The following ANXA10 variants were observed in gnomAD, a reference collection of about 807,000 sequenced individuals.
The protein encoded by ANXA10 is annexin 14.
ANXA10 carries 49 observed loss-of-function variants against 53.5 expected under a neutral mutation model. The ratio of observed to expected loss-of-function variants is 0.92; its 90% confidence interval spans 0.73 to 1.16. The LOEUF (loss-of-function observed/expected upper bound fraction) is 1.16, where lower values mean the gene tolerates loss of function less well. Among genes scored for constraint, ANXA10 ranks in the 50% most tolerant of loss-of-function variants. The pLI, the probability that ANXA10 is intolerant of heterozygous loss-of-function variation, is 0.00. For synonymous variants in ANXA10, 131 were observed against 128.9 expected, an observed-to-expected ratio of 1.02 and a Z score of -0.11; for missense variants, 393 against 394.4, an observed-to-expected ratio of 1.00 and a Z score of 0.03.
chr4:168,105,622 G>A (rs1179420689), intron 1 of ANXA10, among the ~76,000 whole-genome samples: 1 of 151,884 alleles, frequency 6.6e-6, no homozygotes, highest in African/African-American at 2.4e-5. Flanking sequence ...TATTCCTTTG[G>A]GTATATACCC....
At position 168,177,978 on chromosome 4, in the gene ANXA10, G is replaced by A. The variant is rs763594787; in HGVS notation, c.623G>A (p.Arg208Gln). 76 of 1,613,052 alleles carry A rather than the reference G, an allele frequency of 4.7e-5. No individual in the cohort carries two copies. Among genetic ancestry groups the A allele is most frequent in the Admixed American group, 1.3e-4 (8 of 59,990 alleles). The change falls in exon 8 of 12, where the codon CGG becomes CAG. Residue 208 changes from arginine to glutamine, a missense_variant. Arg to Gln is a conservative substitution (Grantham distance 43). Coordinates refer to ENST00000359299, the MANE Select transcript of ANXA10 (RefSeq NM_007193.5). The part of the protein sequence containing the change: ...ILCNKSYQQL[R>Q]LVFQEFQNIS... ...TGCAACAAGAGCTACCAGCAGCTGC[G>A]GCTGGGTAATTATTAACTGGGTTTC...
At chr4:168,182,301 C>T (rs1242024085) in intron 10 of ANXA10, among the ~76,000 whole-genome samples, 1 of 123,850 alleles carries the variant, frequency 8.1e-6, no homozygotes, top group Non-Finnish European at 1.7e-5. Flanking sequence ...TTCAGTCGCA[C>T]ATACTTTGGA....
At chr4:168,158,854 T>C in intron 3 of ANXA10, among the ~76,000 whole-genome samples, 2 of 152,096 alleles carry the variant, frequency 1.3e-5, no homozygotes, top group East Asian at 3.9e-4. Flanking sequence ...GTGCTGGAGG[T>C]GGGCCTGAAG....
rs189712198 is a variant in ANXA10 at position 168,166,490 on chromosome 4, C to T, written c.480+1164C>T. Among the ~76,000 whole-genome samples the T allele has an allele frequency of 4.3e-3, 659 of 152,154 alleles. 3 individuals are homozygous for T. The highest frequency in any genetic ancestry group is 0.015 in the African/African-American group (608 of 41,504). On this transcript the variant is annotated intron_variant, in intron 6 of 11. Transcript: ENST00000359299. ...CATATTCTCCAATGTGCCTGTTATCCTATTTAACAAAGGCACTCAGGAATG... is the reference window on the plus strand; with the variant it reads ...CATATTCTCCAATGTGCCTGTTATCTTATTTAACAAAGGCACTCAGGAATG...
chr4:168,108,948 T>C (rs1280392158), intron 1 of ANXA10, among the ~76,000 whole-genome samples: 1 of 152,192 alleles, frequency 6.6e-6, no homozygotes, highest in Non-Finnish European at 1.5e-5. Context: ...TCATCTAGGT[T>C]GGTAAGTGGC....
In ANXA10 at chr4:168,162,617, T is replaced by C; in HGVS notation, c.285T>C (p.Ala95=). The change falls in exon 4 of 12, where the codon GCT becomes GCC. Residue 95 remains alanine, a synonymous_variant. Transcript: ENST00000359299. ...TGTACCCACCACCACTGTATGATGCTCATGAGCTCTGGCATGCCATGAAGG... is the reference window on the plus strand; with the variant it reads ...TGTACCCACCACCACTGTATGATGCCCATGAGCTCTGGCATGCCATGAAGG... ...GLMYPPPLYD[A]HELWHAMKGV... The C allele has an allele frequency of 1.2e-6, 2 of 1,613,870 alleles. No homozygotes were observed. The highest frequency in any genetic ancestry group is 1.7e-6 in the Non-Finnish European group (2 of 1,179,834).
chr4:168,109,599 C>G (rs1730771765), intron 1 of ANXA10, among the ~76,000 whole-genome samples: 1 of 152,120 alleles, frequency 6.6e-6, no homozygotes. Context: ...CCTCTTTAGG[C>G]AAGTGACTTT....
chr4:168,159,727 TAACTCTTACACTTCC>T (rs1291535422), intron 3 of ANXA10, among the ~76,000 whole-genome samples: 3 of 152,202 alleles, frequency 2.0e-5, no homozygotes, highest in African/African-American at 7.2e-5. Context: ...TACATACACA[TAACTCTTACACTTCC>T]AATATTGGTA....
intron 1 of ANXA10, among the ~76,000 whole-genome samples, chr4:168,109,714 G>A (rs1231730290): frequency 6.6e-6 from 1 of 152,110 alleles, no homozygotes; most frequent in Admixed American, 6.5e-5. Flanking sequence ...ATAATTTCAT[G>A]ATAATCAATA....
intron 2 of ANXA10, among the ~76,000 whole-genome samples, chr4:168,132,024 G>A (rs889163919): frequency 6.6e-6 from 1 of 151,988 alleles, no homozygotes; most frequent in Non-Finnish European, 1.5e-5. Flanking sequence ...CATTGTTTCT[G>A]GGAATGTACG....
At chr4:168,127,740 TG>T (rs746336526) in intron 1 of ANXA10, 1 of 505,848 alleles carries the variant, frequency 2.0e-6, no homozygotes, top group South Asian at 1.6e-5. Flanking sequence ...TAACAGGCCT[TG>T]TGTGTATGTT....
chr4:168,101,813 T>C (rs1031722522), intron 1 of ANXA10, among the ~76,000 whole-genome samples: 8 of 152,160 alleles, frequency 5.3e-5, no homozygotes, highest in Non-Finnish European at 8.8e-5. Context: ...CATGTATGCA[T>C]GTCTCCATCT....
rs1396240407 is a variant in ANXA10, at chr4:168,162,548, G to C, written c.216G>C (p.Arg72Ser). The C allele has an allele frequency of 6.2e-7, 1 of 1,613,656 alleles. No homozygotes were observed. The highest frequency in any genetic ancestry group is 2.2e-5 in the East Asian group (1 of 44,880). Residue 72 changes from arginine to serine, a missense_variant, in exon 4 of 12, where the codon AGG becomes AGC. Arg to Ser is a moderately radical substitution (Grantham distance 110, BLOSUM62 -1). Coordinates refer to ENST00000359299, the MANE Select transcript of ANXA10 (RefSeq NM_007193.5). ...MYGRDLIGDM[R>S]EQLSDHFKDV... is the part of the protein sequence containing the mutation. The stretch of plus-strand genomic sequence containing the variant: ...CACAGGACCTGATTGGGGATATGAG[G>C]GAGCAGCTTTCGGATCACTTCAAAG...
At chr4:168,134,389 T>C (rs1167861537) in intron 2 of ANXA10, among the ~76,000 whole-genome samples, 1 of 152,142 alleles carries the variant, frequency 6.6e-6, no homozygotes, top group Non-Finnish European at 1.5e-5. Flanking sequence ...ATAAAATATC[T>C]CTGGAAGAAT....
At chr4:168,134,452 T>A (rs888710505) in intron 2 of ANXA10, among the ~76,000 whole-genome samples, 1 of 152,124 alleles carries the variant, frequency 6.6e-6, no homozygotes, top group African/African-American at 2.4e-5. Context: ...GAGCGCTAGA[T>A]TGTGGATAAT....
At chr4:168,127,817 C>CCTTTTTTTT in intron 1 of ANXA10, 1 of 148,584 alleles carries the variant, frequency 6.7e-6, no homozygotes, top group Non-Finnish European at 1.2e-5. Flanking sequence ...ATGTTGAAAC[C>CCTTTTTTTT]TTTTTTTTTT....
chr4:168,117,519 T>G (rs1730913216), intron 1 of ANXA10, among the ~76,000 whole-genome samples: 1 of 152,204 alleles, frequency 6.6e-6, no homozygotes, highest in South Asian at 2.1e-4. Flanking sequence ...ATCTTCCATG[T>G]GTAGCTCTGC....
rs1423131220 is a variant in ANXA10, at chr4:168,179,311, T to A, written c.723T>A (p.Ile241=). 1.3e-6 allele frequency: 2 copies of A among 1,594,254 alleles called. No individual in the cohort carries two copies. The highest frequency in any genetic ancestry group is 1.7e-6 in the Non-Finnish European group (2 of 1,164,034). ...ACTTTCAGGAGCTGCTGGTTGCAAT[T>A]GGTAAGTAATAAATTATTTGAAGCA... ...DGYFQELLVA[I]VLCVRDKPAY... is the part of the protein sequence containing the mutation. The change falls in exon 9 of 12, where the codon ATT becomes ATA. Residue 241 remains isoleucine (I), a splice_region_variant and synonymous_variant. Transcript: ENST00000359299.
At chr4:168,118,730 A>ATG (rs895152395) in intron 1 of ANXA10, among the ~76,000 whole-genome samples, 2 of 152,182 alleles carry the variant, frequency 1.3e-5, no homozygotes, top group African/African-American at 2.4e-5. Context: ...TTTTAAAAAT[A>ATG]TGTGTGTATA....
Sources: gnomAD v4.1 joint callset for allele counts (sites outside exome capture counted in the v4.1 genomes callset) on GRCh38, gnomAD v4.1.1 for gene constraint, MANE v1.5 for transcripts, NCBI Gene and HGNC (gene_info 2026-07-23, HGNC 2026-07-21) for gene names.